Variants in DIDO1 observed in about 807,000 individuals in gnomAD.
DIDO1 encodes death-inducer obliterator 1.
Under a neutral mutation model 99.4 loss-of-function variants are expected in DIDO1, and 16 were observed. The ratio of observed to expected loss-of-function variants is 0.16; its 90% CI spans 0.11 to 0.24. The LOEUF (loss-of-function observed/expected upper bound fraction) is 0.24, where lower values mean the gene tolerates loss of function less well. DIDO1 is among the 10% of genes least tolerant of loss of function. DIDO1 has a pLI of 1.00. For synonymous variants in DIDO1, 1,366 were observed against 1,239.1 expected (o/e 1.10, Z -2.15); for missense variants, 2,996 against 3,014.0 (o/e 0.99, Z 0.14).
At chr20:62,898,997 A>G (rs2064599875) in intron 6 of DIDO1, among the ~76,000 whole-genome samples, 1 of 152,072 alleles carries the variant, frequency 6.6e-6, no homozygotes, top group African/African-American at 2.4e-5. Context: ...TTAAATAAAA[A>G]TCAGTGGAGG....
Position 62,880,864 on chromosome 20 carries a change from C to A in DIDO1, c.5092G>T (p.Ala1698Ser). Residue 1698 changes from alanine (A) to serine (S), a missense_variant, in exon 16 of 16, where the codon GCC (alanine) becomes TCC (serine). This residue lies in a region of DIDO1 where 1,562 missense variants were observed against 1,412.6 expected (regional missense o/e 1.11). Coordinates refer to ENST00000395343, the MANE Select transcript of DIDO1 (RefSeq NM_001193369.2). ...FASQDKALGS[A>S]QYEDPRNLHS... Reference sequence around the variant, plus strand: ...AGATTTCTTGGGTCCTCATACTGGGCTGAGCCGAGAGCCTTGTCCTGCGAC... The same window carrying A: ...AGATTTCTTGGGTCCTCATACTGGGATGAGCCGAGAGCCTTGTCCTGCGAC... 1.9e-6 allele frequency: 3 copies of A among 1,612,686 alleles called. No homozygotes were observed. The highest frequency in any genetic ancestry group is 1.1e-5 in the South Asian group (1 of 91,080).
Position 62,891,063 on chromosome 20 carries a change from A to G in DIDO1, c.3438T>C (p.Phe1146=), listed in dbSNP as rs2064386851. Residue 1146 remains phenylalanine, a synonymous_variant, in exon 15 of 16, where the codon TTT becomes TTC. Coordinates refer to ENST00000395343, the MANE Select transcript of DIDO1 (RefSeq NM_001193369.2). ...GCCTGTTGTTATTAGCTACAACACC[A>G]AAGCGGCCACGGCTGCTGAAATAGG... ...LYSYFSSRGR[F]GVVANNNRHV... is the part of the protein sequence containing the mutation. The G allele has an allele frequency of 6.2e-7, 1 of 1,614,058 alleles. No homozygotes were observed. Among genetic ancestry groups the G allele is most frequent in the South Asian group, 1.1e-5 (1 of 91,092 alleles).
rs777732272 is a variant in DIDO1, at chr20:62,909,786, C to G, written c.1074G>C (p.Gln358His). Residue 358 changes from glutamine (Q) to histidine (H), a missense_variant, in exon 4 of 16, where the codon CAG becomes CAC. This residue lies in a region of DIDO1 where 898 missense variants were observed against 972.7 expected (regional missense o/e 0.92). Transcript: ENST00000395343. ...TDCTSIGTIE[Q>H]KSSEDQGIKG... ...TTATCCCTTGGTCTTCGCTAGACTT[C>G]TGCTCTATTGTTCCTATACTTGTAC... 63 of 1,614,154 alleles carry G rather than the reference C, an allele frequency of 3.9e-5. No individual in the cohort carries two copies. Among genetic ancestry groups the G allele is most frequent in the African/African-American group, 1.2e-4 (9 of 74,952 alleles).
intron 14 of DIDO1, among the ~76,000 whole-genome samples, chr20:62,891,390 G>T (rs181599986): frequency 6.6e-6 from 1 of 152,190 alleles, no homozygotes; most frequent in Admixed American, 6.5e-5. Context: ...GGAACCAGCT[G>T]CATGATCTGC....
At chr20:62,900,498 C>T (rs1255596507) in intron 6 of DIDO1, among the ~76,000 whole-genome samples, 1 of 152,194 alleles carries the variant, frequency 6.6e-6, no homozygotes, top group African/African-American at 2.4e-5. Context: ...TGGTGCTACT[C>T]CGCTCCTCTC....
At chr20:62,907,473 TACTA>T (rs2064833310) in intron 4 of DIDO1, 114 bp from the exon 5 acceptor site, 1 of 951,340 alleles carries the variant, frequency 1.1e-6, no homozygotes, top group Non-Finnish European at 1.6e-6. Flanking sequence ...CAAAATGAGA[TACTA>T]ACAGTACTTT....
chr20:62,913,076 C>T (rs532703615), intron 2 of DIDO1, among the ~76,000 whole-genome samples: 27 of 152,312 alleles, frequency 1.8e-4, no homozygotes, highest in African/African-American at 6.5e-4. Context: ...TACTTGCAAC[C>T]TGTAACCTGT....
rs2064829893 is a variant in DIDO1, at chr20:62,907,322, G to T, written c.1199C>A (p.Pro400His). The part of the protein sequence containing the change: ...EAPGASKCIG[P>H]GCCHVAQPDS... ...GGGCTGCGCCACGTGACAGCACCCGGGGCCAATACATTTTGAGGCACCAGG... is the reference window on the plus strand; with the variant it reads ...GGGCTGCGCCACGTGACAGCACCCGTGGCCAATACATTTTGAGGCACCAGG... The change falls in exon 5 of 16, where the codon CCC becomes CAC. Residue 400 changes from proline to histidine, a missense_variant. Physicochemically the swap from Pro to His is moderately conservative, Grantham distance 77. This residue lies in a region of DIDO1 where 898 missense variants were observed against 972.7 expected (regional missense o/e 0.92). Coordinates refer to ENST00000395343, the MANE Select transcript of DIDO1 (RefSeq NM_001193369.2). The T allele has an allele frequency of 6.2e-7, 1 of 1,614,140 alleles. No individual in the cohort carries two copies. The highest frequency in any genetic ancestry group is 2.2e-5 in the East Asian group (1 of 44,882).
At chr20:62,890,634 G>GT in intron 15 of DIDO1, 3 of 1,207,636 alleles carry the variant, frequency 2.5e-6, no homozygotes, top group Non-Finnish European at 3.1e-6. Context: ...GCCGCTGGGA[G>GT]TGTCACCTCC....
At position 62,894,909 on chromosome 20, in the gene DIDO1, C is replaced by T. The variant is rs781663920; in HGVS notation, c.2337G>A (p.Met779Ile). 6 of 1,613,462 alleles carry T rather than the reference C, an allele frequency of 3.7e-6. No individual in the cohort carries two copies. Among genetic ancestry groups the T allele is most frequent in the African/African-American group, 1.3e-5 (1 of 74,938 alleles). ...TWKERPARSV[M>I]ESRTKLHNES... ...CATTGTGCAGTTTAGTTCTGGACTC[C>T]ATCACCTGAAATGAAAAAGACGAAA... Residue 779 changes from methionine to isoleucine, a missense_variant, in exon 10 of 16, where the codon ATG (methionine) becomes ATA (isoleucine). Transcript: ENST00000395343. The surrounding 1 kb of genome is among the most constrained non-coding windows in gnomAD (Gnocchi z 4.4).
At chr20:62,923,433 C>T (rs2065193629) in intron 1 of DIDO1, among the ~76,000 whole-genome samples, 1 of 152,160 alleles carries the variant, frequency 6.6e-6, no homozygotes, top group South Asian at 2.1e-4. Flanking sequence ...CTTGGCCTCC[C>T]AAAGTGCTGG....
chr20:62,888,167 G>A, intron 15 of DIDO1: 1 of 985,540 alleles, frequency 1.0e-6, no homozygotes, highest in Non-Finnish European at 1.2e-6. Flanking sequence ...AGCAAGCACT[G>A]AGGGGGCTAG....
chr20:62,886,720 C>T (rs1300699937), intron 15 of DIDO1, among the ~76,000 whole-genome samples: 1 of 152,230 alleles, frequency 6.6e-6, no homozygotes, highest in African/African-American at 2.4e-5. Context: ...CCACCTGGCA[C>T]ATCCCACTAT....
At chr20:62,883,021 CAGG>C (rs1249622269) in intron 15 of DIDO1, among the ~76,000 whole-genome samples, 3 of 133,206 alleles carry the variant, frequency 2.3e-5, no homozygotes, top group African/African-American at 8.3e-5. Flanking sequence ...TTTCCAGGTT[CAGG>C]AGAATTCTCC....
intron 1 of DIDO1, among the ~76,000 whole-genome samples, chr20:62,932,147 T>C (rs2065337968): frequency 6.6e-6 from 1 of 152,208 alleles, no homozygotes; most frequent in Admixed American, 6.5e-5. Context: ...AGTGCTGGGA[T>C]TGTAGGTGTG....
In DIDO1 at chr20:62,916,019, C is replaced by T. The variant is rs923551301; in HGVS notation, c.-199-1613G>A. ...TACAAAACTGATTTCATAATGTCTT[C>T]AACAGAGAAAATTTACTATAACATT... On this transcript the variant is annotated intron_variant, in intron 1 of 15. Transcript: ENST00000395343. 9.9e-5 allele frequency among the ~76,000 whole-genome samples: 15 copies of T among 152,200 alleles called. No individual in the cohort carries two copies. In the East Asian group the frequency reaches 1.2e-3, roughly 12 times the overall value.
At chr20:62,889,726 G>A in intron 15 of DIDO1, 1 of 985,406 alleles carries the variant, frequency 1.0e-6, no homozygotes, top group Non-Finnish European at 1.2e-6. Flanking sequence ...GGTCCTTTCT[G>A]CCACCCATTA....
chr20:62,905,706 G>C, intron 6 of DIDO1, 181 bp downstream of exon 6: 3 of 1,609,820 alleles, frequency 1.9e-6, no homozygotes, highest in Middle Eastern at 1.7e-4. Flanking sequence ...ACAGACTAGG[G>C]ATGGACACAG....
chr20:62,928,634 C>T (rs1282520929), upstream of DIDO1: 1 of 152,196 alleles, frequency 6.6e-6, no homozygotes, highest in Non-Finnish European at 1.5e-5. Context: ...TTTTTCCTAA[C>T]CGAATTTATT....
Sources: allele counts gnomAD v4.1 joint callset (sites outside exome capture counted in the v4.1 genomes callset), GRCh38; gene constraint gnomAD v4.1.1; regional missense constraint gnomAD v4.1.1; non-coding constraint Gnocchi (gnomAD v3.1); transcripts MANE v1.5; gene names NCBI Gene and HGNC (gene_info 2026-07-23, HGNC 2026-07-21).